EXD3: variants seen among roughly 807,000 people sequenced by gnomAD.
EXD3 encodes exonuclease 3'-5' domain containing 3.
A neutral mutation model predicts 98.0 loss-of-function variants in EXD3; 92 were observed. The ratio of observed to expected loss-of-function variants is 0.94; its 90% CI spans 0.79 to 1.12. The LOEUF (loss-of-function observed/expected upper bound fraction) is 1.12. Among genes scored for constraint, EXD3 ranks in the 50% most tolerant of loss-of-function variants. The probability of loss-of-function intolerance (pLI) is 0.00; values close to 1 mark genes in which losing one functional copy is unlikely to be tolerated. For synonymous variants in EXD3, 569 were observed against 526.0 expected (o/e 1.08, Z -1.12); for missense variants, 1,222 against 1,191.6 (o/e 1.03, Z -0.38).
chr9:137,314,133 G>C (rs1490459367), intron 19 of EXD3, among the ~76,000 whole-genome samples: 4 of 152,170 alleles, frequency 2.6e-5, no homozygotes, highest in Non-Finnish European at 5.9e-5. Context: ...CTGACACCTT[G>C]CTGGACAGGG....
intron 1 of EXD3, among the ~76,000 whole-genome samples, chr9:137,412,399 A>G (rs1003633211): frequency 2.6e-5 from 4 of 152,260 alleles, no homozygotes; most frequent in African/African-American, 9.6e-5. Flanking sequence ...AAAATATATT[A>G]TTAAAATAAA....
intron 1 of EXD3, among the ~76,000 whole-genome samples, chr9:137,396,034 C>T (rs1212041225): frequency 1.3e-5 from 2 of 150,742 alleles, no homozygotes; most frequent in Non-Finnish European, 2.9e-5. Flanking sequence ...GTGGGGCCAT[C>T]TCAGCTCACT....
chr9:137,352,606 C>T lies in EXD3; in HGVS notation c.1037+14G>A, dbSNP rs756497195. On this transcript the variant is annotated intron_variant, in intron 11 of 21. Transcript: ENST00000340951. ...GAACCCACCCCTGGCTGGGGTCACC[C>T]TGGCGGCGCTCACCTCCCCTGGAGC... 64 of 1,532,474 alleles carry T rather than the reference C, an allele frequency of 4.2e-5. No individual in the cohort carries two copies. The highest frequency in any genetic ancestry group is 4.0e-4 in the Middle Eastern group (2 of 4,954). 94.9% of individuals were successfully genotyped at this position (1,532,474 alleles called of 1,614,324 possible).
intron 6 of EXD3, 66 bp from the exon 7 acceptor site, chr9:137,366,698 A>G: frequency 6.6e-7 from 1 of 1,509,226 alleles, no homozygotes; most frequent in Non-Finnish European, 8.9e-7. Context: ...CTCACCTCCA[A>G]CCCAGAGGGA....
chr9:137,349,338 AG>A lies in EXD3; in HGVS notation c.1657+30del. On this transcript the variant is annotated intron_variant, in intron 15 of 21. Transcript: ENST00000340951. The surrounding 1 kb of genome is among the most constrained non-coding windows in gnomAD (Gnocchi z 7.4). ...GACAGAGGGCGGGAGGGGCGTGAGG[AG>A]GGGTCACTCCCACCCGCCGCACCGC... 1.3e-6 allele frequency: 2 copies of A among 1,548,236 alleles called. No individual in the cohort carries two copies. Among genetic ancestry groups the A allele is most frequent in the African/African-American group, 1.4e-5 (1 of 73,854 alleles).
intron 3 of EXD3, among the ~76,000 whole-genome samples, chr9:137,378,243 C>T (rs1362893054): frequency 2.0e-5 from 3 of 152,090 alleles, no homozygotes; most frequent in Non-Finnish European, 2.9e-5. Context: ...GAGTCTCACT[C>T]TGTCGTCCAG....
intron 17 of EXD3, among the ~76,000 whole-genome samples, chr9:137,337,310 C>A (rs189046942): frequency 3.3e-5 from 5 of 152,102 alleles, no homozygotes; most frequent in Non-Finnish European, 7.3e-5. Context: ...ATCACAGGAA[C>A]CTTCTGTATG....
intron 17 of EXD3, among the ~76,000 whole-genome samples, chr9:137,346,644 T>G (rs1222575117): frequency 6.6e-6 from 1 of 152,272 alleles, no homozygotes; most frequent in Non-Finnish European, 1.5e-5. Flanking sequence ...CTTCGACACT[T>G]TTAATGTCCG....
chr9:137,386,424 G>GCC (rs1491163338), intron 2 of EXD3, among the ~76,000 whole-genome samples: 2 of 152,052 alleles, frequency 1.3e-5, no homozygotes, highest in Non-Finnish European at 2.9e-5. Context: ...GCTGGTCTTT[G>GCC]CCCTGCTCAG....
rs971541781 is a variant in EXD3, at chr9:137,417,802, C to T, written c.-48+5312G>A. On this transcript the variant is annotated intron_variant, in intron 1 of 21. Transcript: ENST00000340951. ...CGCCTCCTTCAAGCGCAGGCCGTGC[C>T]GCGGGCCGGTCCTGCCCAGGGCGCC... is the stretch of plus-strand genomic sequence containing the variant. Among the ~76,000 whole-genome samples, 4 of 152,168 alleles carry T rather than the reference C, an allele frequency of 2.6e-5. No homozygotes were observed. The East Asian group carries it at 5.8e-4, about 22-fold the overall frequency.
intron 3 of EXD3, among the ~76,000 whole-genome samples, chr9:137,377,788 ATTTTT>A (rs571059789): frequency 2.3e-5 from 3 of 131,774 alleles, no homozygotes; most frequent in African/African-American, 8.9e-5. Context: ...TAGTCGTTGA[ATTTTT>A]TTTTTTTTTT....
At chr9:137,313,780 A>C (rs1831488577) in intron 19 of EXD3, among the ~76,000 whole-genome samples, 1 of 152,100 alleles carries the variant, frequency 6.6e-6, no homozygotes, top group African/African-American at 2.4e-5. Context: ...GTAGGAGCAC[A>C]CTCTGGAGCA....
At chr9:137,340,182 A>G (rs1833570750) in intron 17 of EXD3, among the ~76,000 whole-genome samples, 2 of 152,228 alleles carry the variant, frequency 1.3e-5, no homozygotes, top group Non-Finnish European at 1.5e-5. Context: ...AAGTTATTAA[A>G]TGTGTTTGAA....
intron 1 of EXD3, among the ~76,000 whole-genome samples, chr9:137,418,499 CA>C (rs1447581277): frequency 6.6e-6 from 1 of 151,862 alleles, no homozygotes; most frequent in East Asian, 1.9e-4. Context: ...CATCTGTTAA[CA>C]AAAAAATTTA....
intron 1 of EXD3, among the ~76,000 whole-genome samples, chr9:137,418,336 G>A (rs1392977088): frequency 2.0e-5 from 3 of 152,214 alleles, no homozygotes; most frequent in Admixed American, 6.5e-5. Flanking sequence ...GGCGACAAGA[G>A]CGAGACTCTG....
chr9:137,382,502 C>T (rs573623466), intron 3 of EXD3, among the ~76,000 whole-genome samples: 14 of 152,238 alleles, frequency 9.2e-5, no homozygotes, highest in Admixed American at 2.6e-4. Flanking sequence ...GGAAATGGAA[C>T]GGCAGAGGGA....
intron 1 of EXD3, among the ~76,000 whole-genome samples, chr9:137,397,178 G>A (rs1046837608): frequency 2.6e-5 from 4 of 152,220 alleles, no homozygotes; most frequent in Admixed American, 1.3e-4. Flanking sequence ...AGGACCAGAC[G>A]GCCACAGCCG....
chr9:137,390,440 A>AG (rs1836846691), intron 2 of EXD3, among the ~76,000 whole-genome samples: 1 of 151,888 alleles, frequency 6.6e-6, no homozygotes, highest in African/African-American at 2.4e-5. Context: ...GCCAAAAAAA[A>AG]AAAAAAGTAA....
chr9:137,375,476 G>T (rs1208291261), intron 3 of EXD3, among the ~76,000 whole-genome samples: 1 of 152,076 alleles, frequency 6.6e-6, no homozygotes, highest in Admixed American at 6.6e-5. Flanking sequence ...ACTCTAGCGA[G>T]TTCTAGGTCT....
Sources: gnomAD v4.1 joint callset for allele counts (sites outside exome capture counted in the v4.1 genomes callset) on GRCh38, gnomAD v4.1.1 for gene constraint, Gnocchi (gnomAD v3.1) non-coding constraint, MANE v1.5 for transcripts, NCBI Gene and HGNC (gene_info 2026-07-23, HGNC 2026-07-21) for gene names.